LCORL: variants seen among roughly 807,000 people sequenced by gnomAD.
LCORL encodes ligand dependent nuclear receptor corepressor like.
In LCORL, 41 loss-of-function variants were observed where a neutral mutation model predicts 141.8. The observed-to-expected ratio is 0.29, with a 90% CI of 0.23 to 0.38. The LOEUF (loss-of-function observed/expected upper bound fraction) is 0.38. Among genes scored for constraint, LCORL ranks in the 10% least tolerant of loss-of-function variants. LCORL has a pLI of 1.00. For synonymous variants in LCORL, 618 were observed against 694.1 expected, an observed-to-expected ratio of 0.89 and a Z score of 1.72; for missense variants, 1,759 against 2,035.0, an observed-to-expected ratio of 0.86 and a Z score of 2.61.
chr4:18,011,985 A>G (rs770102710), intron 1 of LCORL, among the ~76,000 whole-genome samples: 14 of 152,234 alleles, frequency 9.2e-5, no homozygotes, highest in Non-Finnish European at 2.1e-4. Flanking sequence ...ACTCTTTAAA[A>G]GCAAGGTAAA....
chr4:17,938,882 C>CTAGTTTCTTTACCTACCCTA (rs1392777512), intron 4 of LCORL, among the ~76,000 whole-genome samples: 10 of 152,088 alleles, frequency 6.6e-5, no homozygotes, highest in Non-Finnish European at 1.5e-4. Context: ...TCCTGTATGT[C>CTAGTTTCTTTACCTACCCTA]TAGTTTCTTT....
intron 4 of LCORL, among the ~76,000 whole-genome samples, chr4:17,945,921 A>G (rs1738803575): frequency 6.6e-6 from 1 of 152,060 alleles, no homozygotes; most frequent in South Asian, 2.1e-4. Flanking sequence ...ACATTTAAAT[A>G]CCATGAAGAA....
chr4:17,983,502 C>T (rs191478637), intron 1 of LCORL, among the ~76,000 whole-genome samples: 136 of 151,972 alleles, frequency 8.9e-4, no homozygotes, highest in African/African-American at 3.0e-3. Context: ...GCTGTATTCC[C>T]GGATATTTTA....
At chr4:17,850,838 T>C (rs1221904910) in intron 7 of LCORL, among the ~76,000 whole-genome samples, 3 of 151,856 alleles carry the variant, frequency 2.0e-5, no homozygotes, top group Admixed American at 1.3e-4. Flanking sequence ...CGTATGTTTA[T>C]TGCGGCACTA....
intron 7 of LCORL, among the ~76,000 whole-genome samples, chr4:17,868,570 T>C (rs1274953459): frequency 6.6e-6 from 1 of 152,100 alleles, no homozygotes; most frequent in East Asian, 1.9e-4. Flanking sequence ...GTCTATATTA[T>C]TTCCAACAGT....
exon 7 of LCORL, chr4:17,873,670 T>C (rs1182340695): frequency 1.6e-6 from 2 of 1,233,874 alleles, no homozygotes; most frequent in African/African-American, 3.1e-5. Flanking sequence ...GAATGAGATC[T>C]TAAAGTAAAG....
Position 17,884,460 on chromosome 4 carries a change from C to T in LCORL, c.776+1608G>A, listed in dbSNP as rs745999691. On this transcript the variant is annotated intron_variant, in intron 6 of 7. Transcript: ENST00000635767. The surrounding 1 kb of genome is among the most constrained non-coding windows in gnomAD (Gnocchi z 4.4). ...AGTTTACTTTTTTCTGTGCGCTCTG[C>T]TTGAGCTCTTGCCCACAAGGCTACT... 2.9e-5 allele frequency: 45 copies of T among 1,549,876 alleles called. 1 individual carries two copies. The South Asian group carries it at 4.9e-4, about 17-fold the overall frequency.
chr4:17,862,988 CTT>C (rs1040090555), intron 7 of LCORL, among the ~76,000 whole-genome samples: 2 of 134,470 alleles, frequency 1.5e-5, no homozygotes, highest in African/African-American at 6.4e-5. Context: ...ATAAGATGAA[CTT>C]AATTAATAAG....
chr4:17,851,069 A>T (rs976039468), intron 7 of LCORL, among the ~76,000 whole-genome samples: 1 of 143,326 alleles, frequency 7.0e-6, no homozygotes, highest in Non-Finnish European at 1.5e-5. Flanking sequence ...ATAGGTGGGA[A>T]TTGAACAGTG....
chr4:17,951,814 T>G (rs1216337095), intron 4 of LCORL, among the ~76,000 whole-genome samples: 5 of 152,214 alleles, frequency 3.3e-5, no homozygotes, highest in Non-Finnish European at 1.5e-5. Context: ...TAGTAAATCT[T>G]TCTTAAATTA....
exon 7 of LCORL, chr4:17,876,583 C>T (rs1313337374): frequency 1.1e-5 from 13 of 1,230,460 alleles, no homozygotes; most frequent in Admixed American, 4.2e-5. Flanking sequence ...GTTGTGGATT[C>T]GGATACTTTT....
intron 1 of LCORL, 65 bp from the exon 2 acceptor site, chr4:17,972,950 C>T (rs1461189680): frequency 2.8e-6 from 2 of 707,720 alleles, no homozygotes; most frequent in Non-Finnish European, 4.3e-6. Context: ...AATTTAAAGT[C>T]ATAAACTCTG....
At chr4:18,012,604 C>G (rs1486451586) in intron 1 of LCORL, among the ~76,000 whole-genome samples, 1 of 152,018 alleles carries the variant, frequency 6.6e-6, no homozygotes, top group African/African-American at 2.4e-5. Flanking sequence ...AAAAAACATT[C>G]TTTTAAAATG....
At chr4:17,896,452 T>A (rs1219524792) in intron 5 of LCORL, among the ~76,000 whole-genome samples, 1 of 152,090 alleles carries the variant, frequency 6.6e-6, no homozygotes, top group African/African-American at 2.4e-5. Context: ...CCCAGATAAT[T>A]TTTTTGTATT....
chr4:17,908,576 G>A (rs1300615759), intron 5 of LCORL, among the ~76,000 whole-genome samples: 2 of 152,004 alleles, frequency 1.3e-5, no homozygotes, highest in Non-Finnish European at 2.9e-5. Context: ...AACTCTATAA[G>A]TCCAACATGG....
rs1412782673 is a variant in LCORL at position 18,007,813 on chromosome 4, T to TA, written c.154+13784dup. On this transcript the variant is annotated intron_variant, in intron 1 of 7. Transcript: ENST00000635767. ...GAAAGGATCTGTGGGCTCAGACTGT[T>TA]AAGAGTGAAAAGTTAGACAAGCAAG... Among the ~76,000 whole-genome samples, 6 of 152,258 alleles carry TA rather than the reference T, an allele frequency of 3.9e-5. No homozygotes were observed. In the South Asian group the frequency reaches 1.2e-3, roughly 32 times the overall value.
At chr4:17,857,555 C>A (rs556253442) in intron 7 of LCORL, among the ~76,000 whole-genome samples, 51 of 152,200 alleles carry the variant, frequency 3.4e-4, no homozygotes, top group Middle Eastern at 3.4e-3. Context: ...ACATTTGGGA[C>A]CAGATAATTG....
chr4:17,955,813 A>G (rs921090406), intron 4 of LCORL, among the ~76,000 whole-genome samples: 1 of 152,138 alleles, frequency 6.6e-6, no homozygotes, highest in Admixed American at 6.5e-5. Flanking sequence ...AAGGGAGTTA[A>G]GATCTTACAT....
chr4:17,934,509 G>C (rs993467174), intron 4 of LCORL, among the ~76,000 whole-genome samples: 5 of 152,100 alleles, frequency 3.3e-5, no homozygotes, highest in African/African-American at 9.7e-5. Flanking sequence ...GGAATCACTA[G>C]ATGCACTGTA....
Sources: allele counts gnomAD v4.1 joint callset (sites outside exome capture counted in the v4.1 genomes callset), GRCh38; gene constraint gnomAD v4.1.1; non-coding constraint Gnocchi (gnomAD v3.1); transcripts MANE v1.5; gene names NCBI Gene and HGNC (gene_info 2026-07-23, HGNC 2026-07-21).